The following MYO10 variants were observed in gnomAD, a reference collection of about 807,000 sequenced individuals.
MYO10 encodes the protein myosin X, also known as unconventional myosin-X.
In MYO10, 133 loss-of-function variants were observed where a neutral mutation model predicts 257.3. That is an observed-to-expected ratio of 0.52 (90% confidence interval 0.45 to 0.60). The LOEUF is 0.60. MYO10 is among the 20% of genes least tolerant of loss of function. The probability of loss-of-function intolerance (pLI) is 0.00; values close to 1 mark genes in which losing one functional copy is unlikely to be tolerated. For synonymous variants in MYO10, 1,104 were observed against 1,028.6 expected, an observed-to-expected ratio of 1.07 and a Z score of -1.40; for missense variants, 2,399 against 2,635.7, an observed-to-expected ratio of 0.91 and a Z score of 1.97.
chr5:16,696,311 G>T (rs183653187), intron 26 of MYO10, among the ~76,000 whole-genome samples: 3 of 152,228 alleles, frequency 2.0e-5, no homozygotes, highest in Non-Finnish European at 4.4e-5. Flanking sequence ...TTATTTGGTT[G>T]TAAAAATTTA....
At chr5:16,826,092 G>A (rs535612906) in intron 2 of MYO10, among the ~76,000 whole-genome samples, 2 of 151,622 alleles carry the variant, frequency 1.3e-5, no homozygotes, top group Non-Finnish European at 2.9e-5. Flanking sequence ...AGGTTACAGT[G>A]AGCCAAGACT....
intron 3 of MYO10, among the ~76,000 whole-genome samples, chr5:16,796,342 AAG>A (rs200769191): frequency 5.2e-5 from 7 of 135,588 alleles, no homozygotes; most frequent in African/African-American, 1.0e-4. Flanking sequence ...AAGAAAGGGA[AAG>A]AGAGGAAGAA....
At chr5:16,718,929 G>A (rs376179035) in intron 19 of MYO10, among the ~76,000 whole-genome samples, 19 of 152,114 alleles carry the variant, frequency 1.2e-4, no homozygotes, top group African/African-American at 3.1e-4. Flanking sequence ...GCCAATCAGC[G>A]CCCTGACAAA....
At chr5:16,822,742 C>CAGTG (rs1742860328) in intron 2 of MYO10, among the ~76,000 whole-genome samples, 1 of 148,934 alleles carries the variant, frequency 6.7e-6, no homozygotes. Context: ...GGCTGGAGTG[C>CAGTG]AGTGGCACAA....
intron 32 of MYO10, among the ~76,000 whole-genome samples, chr5:16,680,857 T>G (rs971026389): frequency 2.0e-5 from 3 of 152,084 alleles, no homozygotes; most frequent in African/African-American, 7.2e-5. Context: ...TAGCCCGGTG[T>G]GATGGTGCGT....
chr5:16,716,736 TGGGTTTTTCCAGAGCCG>T (rs1738892282), intron 19 of MYO10, among the ~76,000 whole-genome samples: 1 of 151,962 alleles, frequency 6.6e-6, no homozygotes, highest in Admixed American at 6.6e-5. Context: ...ACAGGAGCCA[TGGGTTTTTCCAGAGCCG>T]GCCAAGATTT....
intron 2 of MYO10, among the ~76,000 whole-genome samples, chr5:16,868,282 A>T (rs1224989571): frequency 6.6e-6 from 1 of 152,190 alleles, no homozygotes; most frequent in Admixed American, 6.5e-5. Context: ...ACATGAGTTG[A>T]TCACCTGCAG....
At chr5:16,679,830 G>T in intron 33 of MYO10, 117 bp downstream of exon 33, 1 of 1,355,994 alleles carries the variant, frequency 7.4e-7, no homozygotes, top group Non-Finnish European at 1.0e-6. Context: ...GGCCAACCAA[G>T]CACTAGTTTT....
chr5:16,738,751 C>T (rs1351447748), intron 19 of MYO10, among the ~76,000 whole-genome samples: 11 of 151,714 alleles, frequency 7.3e-5, no homozygotes, highest in East Asian at 3.9e-4. Context: ...ATTAGCTGGG[C>T]GTGGTGGTGC....
intron 2 of MYO10, among the ~76,000 whole-genome samples, chr5:16,836,349 C>A (rs1013342701): frequency 2.6e-5 from 4 of 152,206 alleles, no homozygotes; most frequent in African/African-American, 9.7e-5. Flanking sequence ...CTGTTACAGA[C>A]AAAAATAGTA....
In MYO10 at chr5:16,886,871, C is replaced by T. The variant is rs1744911160; in HGVS notation, c.22-9164G>A. On this transcript the variant is annotated intron_variant, in intron 1 of 40. Coordinates refer to ENST00000513610, the MANE Select transcript of MYO10 (RefSeq NM_012334.3). ...CGCTTGAACCAGGGAGGCAGAGGTT[C>T]CAGTGAGCCAAGATCGTGCCACTGC... Among the ~76,000 whole-genome samples, 3 of 150,224 alleles carry T rather than the reference C, an allele frequency of 2.0e-5. No individual in the cohort carries two copies. The Admixed American group carries it at 2.0e-4, about 10-fold the overall frequency.
rs1357198058 is a variant in MYO10 at position 16,694,631 on chromosome 5, T to C, written c.3557-17A>G. The stretch of plus-strand genomic sequence containing the variant: ...TCAGGCCACCTGTTCCCCGTGAGAT[T>C]GGGTAGAGAGGGGTGAAAGAAAAGT... On this transcript the variant is annotated splice_polypyrimidine_tract_variant and intron_variant, in intron 26 of 40. Coordinates refer to ENST00000513610, the MANE Select transcript of MYO10 (RefSeq NM_012334.3). The C allele has an allele frequency of 1.2e-6, 2 of 1,612,590 alleles. No individual in the cohort carries two copies. The highest frequency in any genetic ancestry group is 1.7e-6 in the Non-Finnish European group (2 of 1,179,624).
chr5:16,773,879 C>A (rs1741135029), intron 9 of MYO10, among the ~76,000 whole-genome samples: 1 of 152,014 alleles, frequency 6.6e-6, no homozygotes, highest in South Asian at 2.1e-4. Context: ...AGTGATTGGG[C>A]AAGTAGTTAG....
intron 19 of MYO10, chr5:16,713,581 T>A (rs1448482879): frequency 1.2e-6 from 1 of 822,140 alleles, no homozygotes; most frequent in Admixed American, 6.2e-5. Flanking sequence ...AGGAGCGGCC[T>A]CGAGATCCAG....
chr5:16,750,626 C>T (rs922614830), intron 19 of MYO10, among the ~76,000 whole-genome samples: 4 of 152,152 alleles, frequency 2.6e-5, no homozygotes, highest in Admixed American at 2.6e-4. Flanking sequence ...TTCTGTTGTT[C>T]CAATGCTACA....
intron 35 of MYO10, 105 bp downstream of exon 35, chr5:16,674,748 T>C (rs1197098695): frequency 3.1e-6 from 4 of 1,307,918 alleles, no homozygotes; most frequent in Non-Finnish European, 3.2e-6. Context: ...CCTGTCCTAC[T>C]AGAGGTGTCT....
intron 2 of MYO10, among the ~76,000 whole-genome samples, chr5:16,820,261 A>G (rs1742758710): frequency 6.6e-6 from 1 of 152,250 alleles, no homozygotes; most frequent in Non-Finnish European, 1.5e-5. Context: ...CAGAAGTTAA[A>G]TAGCTAGAAT....
intron 2 of MYO10, among the ~76,000 whole-genome samples, chr5:16,873,947 C>T (rs569289176): frequency 5.9e-5 from 9 of 151,990 alleles, no homozygotes; most frequent in Non-Finnish European, 1.2e-4. Context: ...TCTGATATGG[C>T]CTGGAGACAT....
At chr5:16,702,187 T>A (rs1738111176) in intron 24 of MYO10, among the ~76,000 whole-genome samples, 1 of 152,128 alleles carries the variant, frequency 6.6e-6, no homozygotes, top group Non-Finnish European at 1.5e-5. Flanking sequence ...TCAGAAGACA[T>A]CAAACTTAAG....
Sources: gnomAD v4.1 joint callset for allele counts (sites outside exome capture counted in the v4.1 genomes callset) on GRCh38, gnomAD v4.1.1 for gene constraint, MANE v1.5 for transcripts, NCBI Gene and HGNC (gene_info 2026-07-23, HGNC 2026-07-21) for gene names.